Variants in VRK2 observed in about 807,000 individuals in gnomAD.
The protein encoded by VRK2 is VRK serine/threonine kinase 2.
VRK2 carries 60 observed loss-of-function variants against 57.6 expected under a neutral mutation model. That is an observed-to-expected ratio of 1.04 (90% CI 0.85 to 1.29). VRK2 has a LOEUF of 1.29. Ranked by LOEUF, VRK2 falls within the 50% of genes most tolerant of loss-of-function variation. VRK2 has a pLI of 0.00. For synonymous variants in VRK2, 231 were observed against 199.2 expected (o/e 1.16, Z -1.35); for missense variants, 705 against 588.1 (o/e 1.20, Z -2.06).
chr2:58,059,157 A>G (rs920350526), intron 2 of VRK2, among the ~76,000 whole-genome samples: 4 of 151,994 alleles, frequency 2.6e-5, no homozygotes, highest in African/African-American at 9.7e-5. Flanking sequence ...TTTATAGTAA[A>G]CCTAATGTTA....
chr2:57,995,619 G>A (rs1212643608), intron 1 of VRK2, among the ~76,000 whole-genome samples: 1 of 152,154 alleles, frequency 6.6e-6, no homozygotes, highest in Non-Finnish European at 1.5e-5. Flanking sequence ...AACTGTATAA[G>A]TGCTTTTTCT....
intron 7 of VRK2, among the ~76,000 whole-genome samples, chr2:58,098,929 T>TCC (rs1673548511): frequency 2.0e-5 from 3 of 152,110 alleles, no homozygotes; most frequent in Non-Finnish European, 4.4e-5. Flanking sequence ...GATAGGTAGG[T>TCC]AGATATTATC....
chr2:57,912,030 C>T (rs1464972906), intron 1 of VRK2, among the ~76,000 whole-genome samples: 1 of 152,078 alleles, frequency 6.6e-6, no homozygotes, highest in Admixed American at 6.6e-5. Flanking sequence ...TTACTAGACC[C>T]CATAAAAGGG....
At chr2:57,927,508 C>T (rs936650048) in intron 1 of VRK2, among the ~76,000 whole-genome samples, 1 of 152,186 alleles carries the variant, frequency 6.6e-6, no homozygotes, top group Middle Eastern at 3.4e-3. Flanking sequence ...AACTCCTGAC[C>T]TCATGATCCA....
At chr2:58,084,179 C>G in intron 3 of VRK2, 41 bp downstream of exon 3, 2 of 1,549,926 alleles carry the variant, frequency 1.3e-6, no homozygotes, top group Admixed American at 1.8e-5. Flanking sequence ...ATATATTTGA[C>G]TTTTTCCTTT....
chr2:58,120,179 C>CTTTTTTTTTTTT (rs1677207512), intron 7 of VRK2, among the ~76,000 whole-genome samples: 2 of 93,368 alleles, frequency 2.1e-5, no homozygotes, highest in East Asian at 3.1e-4. Context: ...ATTTTTTTTT[C>CTTTTTTTTTTTT]TTTTCTTTTT....
intron 2 of VRK2, among the ~76,000 whole-genome samples, chr2:58,052,253 T>C (rs1675855866): frequency 1.3e-5 from 2 of 152,232 alleles, no homozygotes; most frequent in South Asian, 4.1e-4. Context: ...TTTAAGGAAC[T>C]TGGTAAGCAT....
At chr2:58,053,149 C>A (rs535361476) in intron 2 of VRK2, among the ~76,000 whole-genome samples, 40 of 152,322 alleles carry the variant, frequency 2.6e-4, no homozygotes, top group African/African-American at 9.1e-4. Flanking sequence ...ACTCTTCGAT[C>A]TACTGCAGAT....
At chr2:57,970,556 T>A (rs1289636166) in intron 1 of VRK2, among the ~76,000 whole-genome samples, 1 of 151,742 alleles carries the variant, frequency 6.6e-6, no homozygotes, top group Non-Finnish European at 1.5e-5. Flanking sequence ...AACATTAATT[T>A]TGAAAGCAGT....
chr2:58,087,314 G>A (rs1671768505), intron 5 of VRK2, among the ~76,000 whole-genome samples: 1 of 152,144 alleles, frequency 6.6e-6, no homozygotes, highest in African/African-American at 2.4e-5. Flanking sequence ...TAATCTTGAA[G>A]TAAAGGACTG....
chr2:58,080,718 C>A (rs1283057716), intron 2 of VRK2, among the ~76,000 whole-genome samples: 1 of 151,418 alleles, frequency 6.6e-6, no homozygotes, highest in East Asian at 1.9e-4. Context: ...TATATTTTTA[C>A]TTTGTTCCTC....
chr2:58,124,924 G>A (rs548890796), intron 8 of VRK2, among the ~76,000 whole-genome samples: 2 of 152,008 alleles, frequency 1.3e-5, no homozygotes, highest in South Asian at 2.1e-4. Context: ...TATTCATATT[G>A]TTAATAAATT....
upstream of VRK2, among the ~76,000 whole-genome samples, chr2:58,042,364 A>C (rs2103725651): frequency 6.6e-6 from 1 of 152,312 alleles, no homozygotes; most frequent in East Asian, 1.9e-4. Flanking sequence ...TATTAATTTC[A>C]AAATTTCTAT....
intron 1 of VRK2, among the ~76,000 whole-genome samples, chr2:57,934,866 T>G (rs1226741359): frequency 6.6e-6 from 1 of 152,194 alleles, no homozygotes; most frequent in East Asian, 1.9e-4. Flanking sequence ...TACTCTCTAT[T>G]GCACTTTTCA....
chr2:57,966,694 TTAAAG>T (rs1671927748), intron 1 of VRK2, among the ~76,000 whole-genome samples: 1 of 146,594 alleles, frequency 6.8e-6, no homozygotes, highest in Non-Finnish European at 1.5e-5. Flanking sequence ...TTCTGGAAAC[TTAAAG>T]TAAAAACAGA....
Position 58,086,881 on chromosome 2 carries a change from A to G in VRK2, c.344+455A>G, listed in dbSNP as rs369661529. 3.3e-5 allele frequency among the ~76,000 whole-genome samples: 5 copies of G among 152,302 alleles called. 1 individual carries two copies. The highest frequency in any genetic ancestry group is 9.6e-5 in the African/African-American group (4 of 41,558). ...GAGAGCATGCACACAAGTGCATTCA[A>G]GAAGGAAGTCATCGTTTTTTGTAAT... is the stretch of plus-strand genomic sequence containing the variant. On this transcript the variant is annotated intron_variant, in intron 5 of 12. Transcript: ENST00000340157.
chr2:57,989,010 A>C (rs1367409513), intron 1 of VRK2, among the ~76,000 whole-genome samples: 1 of 152,182 alleles, frequency 6.6e-6, no homozygotes, highest in African/African-American at 2.4e-5. Context: ...TATTGCTCCC[A>C]GTCTAGCAAA....
intron 1 of VRK2, among the ~76,000 whole-genome samples, chr2:57,982,917 C>T (rs1298127600): frequency 6.6e-6 from 1 of 152,226 alleles, no homozygotes; most frequent in Non-Finnish European, 1.5e-5. Flanking sequence ...CTAGATAGTT[C>T]TCCTTGACAG....
chr2:57,955,221 C>T (rs1340016669), intron 1 of VRK2, among the ~76,000 whole-genome samples: 1 of 152,022 alleles, frequency 6.6e-6, no homozygotes, highest in Admixed American at 6.6e-5. Flanking sequence ...GTCTTAAATA[C>T]CACATAATGC....
Sources: allele counts gnomAD v4.1 joint callset (sites outside exome capture counted in the v4.1 genomes callset), GRCh38; gene constraint gnomAD v4.1.1; transcripts MANE v1.5; gene names NCBI Gene and HGNC (gene_info 2026-07-23, HGNC 2026-07-21).